HOXB1: variants seen among roughly 807,000 people sequenced by gnomAD.
The protein encoded by HOXB1 is homeobox B1.
HOXB1 carries 13 observed loss-of-function variants against 26.9 expected under a neutral mutation model. The observed-to-expected ratio is 0.48, with a 90% CI of 0.31 to 0.77. The LOEUF is 0.77. Ranked by LOEUF, HOXB1 falls within the 30% of genes least tolerant of loss-of-function variation. The probability of loss-of-function intolerance (pLI) is 0.04; values close to 1 mark genes in which losing one functional copy is unlikely to be tolerated. For missense variants in HOXB1, 366 were observed against 403.6 expected (o/e 0.91, Z 0.80); for synonymous variants, 168 against 170.8 (o/e 0.98, Z 0.13).
chr17:48,529,589 T>G lies in HOXB1; in HGVS notation c.864A>C (p.Thr288=). The G allele has an allele frequency of 1.3e-6, 2 of 1,549,764 alleles. No individual in the cohort carries two copies. Among genetic ancestry groups the G allele is most frequent in the Non-Finnish European group, 1.7e-6 (2 of 1,145,746 alleles). The part of the protein sequence containing the change: ...EAAGDASDQS[T]CTSPEASPSS... ...TGGGTGAGGCTTCCGGGGAGGTGCA[T>G]GTCGACTGGTCTGAGGCATCTCCAG... is the stretch of plus-strand genomic sequence containing the variant. The change falls in exon 2 of 2, where the codon ACA becomes ACC. Residue 288 remains threonine (T), a synonymous_variant. Transcript: ENST00000239174.
In HOXB1 at chr17:48,530,644, G is replaced by A. The variant is rs1374148236; in HGVS notation, c.261C>T (p.Ala87=). 4 of 1,613,880 alleles carry A rather than the reference G, an allele frequency of 2.5e-6. No individual in the cohort carries two copies. The highest frequency in any genetic ancestry group is 1.7e-5 in the Admixed American group (1 of 60,018). ...AAGGCCCGTAGCTGGGGCTGCAGGC[G>A]GCAGGAGCATACCCCGAGGGCGCGG... ...PSSAPSGYAP[A]ACSPSYGPSQ... is the part of the protein sequence containing the mutation. Residue 87 remains alanine, a synonymous_variant, in exon 1 of 2, where the codon GCC becomes GCT. Transcript: ENST00000239174. The surrounding 1 kb of genome is among the most constrained non-coding windows in gnomAD (Gnocchi z 6.2).
rs1162326684 is a variant in HOXB1 at position 48,528,534 on chromosome 17, AAC to A, written c.*1011_*1012del. 6.6e-6 allele frequency: 1 copy of A among 152,506 alleles called. No individual in the cohort carries two copies. Among genetic ancestry groups the A allele is most frequent in the Admixed American group, 6.5e-5 (1 of 15,306 alleles). 9.4% of individuals were successfully genotyped at this position (152,506 alleles called of 1,614,324 possible). On this transcript the variant is annotated 3_prime_UTR_variant, in exon 2 of 2. Transcript: ENST00000239174. ...ACAGAAGCAGGCAGGAAGAAGGGAA[AAC>A]ACAGACTTTATTGAAATGAGGTAGT...
rs1214121771 is a variant in HOXB1, at chr17:48,530,976, G to A, written c.-72C>T. 9.0e-6 allele frequency: 10 copies of A among 1,113,402 alleles called. No homozygotes were observed. The South Asian group carries it at 9.5e-5, about 11-fold the overall frequency. 69.0% of individuals were successfully genotyped at this position (1,113,402 alleles called of 1,614,324 possible). A position where few individuals can be genotyped will look rare whatever the true frequency, so the allele number is the denominator to read the frequency against. Reference sequence around the variant, plus strand: ...TTGCCCTACAACCTTTCGGCAGTATGTCACAGCGCTGGGGCTCGAATCCAT... The same window carrying A: ...TTGCCCTACAACCTTTCGGCAGTATATCACAGCGCTGGGGCTCGAATCCAT... On this transcript the variant is annotated 5_prime_UTR_variant, in exon 1 of 2. Transcript: ENST00000239174. This position sits in a 1 kb window ranked among gnomAD's most constrained non-coding sequence, Gnocchi z 6.2.
In HOXB1 at chr17:48,530,232, A is replaced by AAG; in HGVS notation, c.577+94_577+95dup. The AAG allele has an allele frequency of 8.8e-7, 1 of 1,130,062 alleles. No homozygotes were observed. The highest frequency in any genetic ancestry group is 1.3e-6 in the Non-Finnish European group (1 of 773,814). The allele number at this position is 1,130,062 out of a possible 1,614,324, so 70.0% of individuals were successfully genotyped here. A position where few individuals can be genotyped will look rare whatever the true frequency, so the allele number is the denominator to read the frequency against. Reference sequence around the variant, plus strand: ...TACCTGTGTCTACCAGAGCCGCTGAAAGAGAAGAACCCAGCCCAGACCCAG... The same window carrying AAG: ...TACCTGTGTCTACCAGAGCCGCTGAAAGAGAGAAGAACCCAGCCCAGACCCAG... On this transcript the variant is annotated intron_variant, in intron 1 of 1. Transcript: ENST00000239174. The surrounding 1 kb of genome is among the most constrained non-coding windows in gnomAD (Gnocchi z 6.2).
In HOXB1 at chr17:48,529,807, T is replaced by C; in HGVS notation, c.646A>G (p.Thr216Ala). The C allele has an allele frequency of 6.2e-7, 1 of 1,602,122 alleles. No homozygotes were observed. Among genetic ancestry groups the C allele is most frequent in the South Asian group, 1.1e-5 (1 of 91,078 alleles). The change falls in exon 2 of 2, where the codon ACA becomes GCA. Residue 216 changes from threonine to alanine, a missense_variant. Transcript: ENST00000239174. ...AAATGGAACTCCTTTTCCAGTTCTG[T>C]CAGCTGCCTTGTGGTGAAGTTGGTG... ...LRTNFTTRQL[T>A]ELEKEFHFNK...
Position 48,529,714 on chromosome 17 carries a change from C to T in HOXB1, c.739G>A (p.Val247Ile). 1 of 1,613,224 alleles carries T rather than the reference C, an allele frequency of 6.2e-7. No homozygotes were observed. Among genetic ancestry groups the T allele is most frequent in the Non-Finnish European group, 8.5e-7 (1 of 1,179,900 alleles). ...AATLELNETQ[V>I]KIWFQNRRMK... ...CGTCGGTTCTGGAACCAAATCTTGA[C>T]CTGTGTTTCATTGAGCTCCAGGGTG... is the stretch of plus-strand genomic sequence containing the variant. The change falls in exon 2 of 2, where the codon GTC becomes ATC. Residue 247 changes from valine to isoleucine, a missense_variant. Transcript: ENST00000239174.
Position 48,530,929 on chromosome 17 carries a change from C to T in HOXB1, c.-25G>A, listed in dbSNP as rs747875593. 6.8e-7 allele frequency: 1 copy of T among 1,478,586 alleles called. No individual in the cohort carries two copies. Among genetic ancestry groups the T allele is most frequent in the Admixed American group, 2.3e-5 (1 of 43,578 alleles). 91.6% of individuals were successfully genotyped at this position (1,478,586 alleles called of 1,614,324 possible). A position where few individuals can be genotyped will look rare whatever the true frequency, so the allele number is the denominator to read the frequency against. On this transcript the variant is annotated 5_prime_UTR_variant, in exon 1 of 2. Coordinates refer to ENST00000239174, the MANE Select transcript of HOXB1 (RefSeq NM_002144.4). The surrounding 1 kb of genome is among the most constrained non-coding windows in gnomAD (Gnocchi z 6.2). ...TGCGTCAAGGCCGCAGGAGGGTCGG[C>T]CCGTTTGGGGGAGACACCCTCTTGC...
In HOXB1 at chr17:48,530,255, C is replaced by G. The variant is rs377018166; in HGVS notation, c.577+73G>C. 2.8e-4 allele frequency: 379 copies of G among 1,344,700 alleles called. 12 individuals are homozygous for G. In the East Asian group the frequency reaches 8.2e-3, roughly 29 times the overall value. The allele number at this position is 1,344,700 out of a possible 1,614,324, so 83.3% of individuals were successfully genotyped here. A position where few individuals can be genotyped will look rare whatever the true frequency, so the allele number is the denominator to read the frequency against. On this transcript the variant is annotated intron_variant, in intron 1 of 1. Transcript: ENST00000239174. This position sits in a 1 kb window ranked among gnomAD's most constrained non-coding sequence, Gnocchi z 6.2. ...GAAAGAGAAGAACCCAGCCCAGACCCAGGACATGTCACTGCAGGGGAAGCA... is the reference window on the plus strand; with the variant it reads ...GAAAGAGAAGAACCCAGCCCAGACCGAGGACATGTCACTGCAGGGGAAGCA...
In HOXB1 at chr17:48,530,523, C is replaced by G. The variant is rs766256495; in HGVS notation, c.382G>C (p.Gly128Arg). Residue 128 changes from glycine (G) to arginine (R), a missense_variant, in exon 1 of 2, where the codon GGA becomes CGA. Transcript: ENST00000239174. The surrounding 1 kb of genome is among the most constrained non-coding windows in gnomAD (Gnocchi z 6.2). ...GGCCCCGGACCGGCTCCACCTGCTC[C>G]GTAGCCATCGGACAAGCCCCCTAGC... ...AQLGGLSDGY[G>R]AGGAGPGPYP... 4.3e-6 allele frequency: 7 copies of G among 1,614,064 alleles called. No homozygotes were observed. Among genetic ancestry groups the G allele is most frequent in the East Asian group, 2.2e-5 (1 of 44,870 alleles).
Position 48,530,593 on chromosome 17 carries a change from T to C in HOXB1, c.312A>G (p.Ser104=), listed in dbSNP as rs1598733242. Residue 104 remains serine, a synonymous_variant, in exon 1 of 2, where the codon TCA becomes TCG. Transcript: ENST00000239174. This position sits in a 1 kb window ranked among gnomAD's most constrained non-coding sequence, Gnocchi z 6.2. ...GATGAAAATAGCCTCCGTCTCCTTC[T>C]GATTGACCCAGAGGGTAGTACTGAG... The part of the protein sequence containing the change: ...GPSQYYPLGQ[S]EGDGGYFHPS... 1 of 1,614,078 alleles carries C rather than the reference T, an allele frequency of 6.2e-7. No homozygotes were observed. Among genetic ancestry groups the C allele is most frequent in the Non-Finnish European group, 8.5e-7 (1 of 1,179,998 alleles).
rs368329971 is a variant in HOXB1 at position 48,530,955 on chromosome 17, C to T, written c.-51G>A. The T allele has an allele frequency of 7.5e-6, 10 of 1,328,908 alleles. No homozygotes were observed. The highest frequency in any genetic ancestry group is 1.0e-5 in the Non-Finnish European group (10 of 974,606). The allele number at this position is 1,328,908 out of a possible 1,614,324, so 82.3% of individuals were successfully genotyped here. ...CCGTTTGGGGGAGACACCCTCTTGC[C>T]CTACAACCTTTCGGCAGTATGTCAC... On this transcript the variant is annotated 5_prime_UTR_variant, in exon 1 of 2. Transcript: ENST00000239174. This position sits in a 1 kb window ranked among gnomAD's most constrained non-coding sequence, Gnocchi z 6.2.
chr17:48,530,289 T>G lies in HOXB1; in HGVS notation c.577+39A>C. The G allele has an allele frequency of 1.3e-6, 2 of 1,548,222 alleles. No individual in the cohort carries two copies. The highest frequency in any genetic ancestry group is 1.8e-6 in the Non-Finnish European group (2 of 1,127,880). ...TCACTGCAGGGGAAGCAGAGATGCT[T>G]TGGGCCCCGGAGAAGGGGTGGCCAC... On this transcript the variant is annotated intron_variant, in intron 1 of 1. Transcript: ENST00000239174. This position sits in a 1 kb window ranked among gnomAD's most constrained non-coding sequence, Gnocchi z 6.2.
At position 48,530,691 on chromosome 17, in the gene HOXB1, G is replaced by A. The variant is rs1355134865; in HGVS notation, c.214C>T (p.Leu72=). 10 of 1,613,100 alleles carry A rather than the reference G, an allele frequency of 6.2e-6. No homozygotes were observed. In the East Asian group the frequency reaches 8.9e-5, roughly 14 times the overall value. ...GCGGAGCTGGGGAAGGGCACCCCCA[G>A]GGTCGAAGGCGGCTGCTGGGCGGGA... ...GYPAQQPPST[L]GVPFPSSAPS... Residue 72 remains leucine, a synonymous_variant, in exon 1 of 2, where the codon CTG becomes TTG. Transcript: ENST00000239174. The surrounding 1 kb of genome is among the most constrained non-coding windows in gnomAD (Gnocchi z 6.2).
Position 48,529,884 on chromosome 17 carries a change from G to A in HOXB1, c.578-9C>T, listed in dbSNP as rs776089775. 1.3e-5 allele frequency: 21 copies of A among 1,557,326 alleles called. No individual in the cohort carries two copies. The African/African-American group carries it at 2.3e-4, about 17-fold the overall frequency. ...TGGCTCTGACACCTTCGCTAGGGGC[G>A]GGGCAGGGAGAAAGGCCAGGTCAAT... On this transcript the variant is annotated splice_polypyrimidine_tract_variant and intron_variant, in intron 1 of 1. Transcript: ENST00000239174.
Position 48,530,481 on chromosome 17 carries a change from GA to G in HOXB1, c.423del (p.Pro143LeufsTer41). 6.2e-7 allele frequency: 1 copy of G among 1,614,136 alleles called. No homozygotes were observed. Among genetic ancestry groups the G allele is most frequent in the South Asian group, 1.1e-5 (1 of 91,080 alleles). ...GAGPGPYPPQ[H>X]PPYGNEQTAS... The stretch of plus-strand genomic sequence containing the variant: ...GCGGTCTGCTCGTTCCCATAAGGGG[GA>G]TGCTGCGGAGGATATGGCCCCGGAC... On this transcript the variant is annotated frameshift_variant, in exon 1 of 2. Coordinates refer to ENST00000239174, the MANE Select transcript of HOXB1 (RefSeq NM_002144.4). LOFTEE classifies it high-confidence loss of function. This position sits in a 1 kb window ranked among gnomAD's most constrained non-coding sequence, Gnocchi z 6.2.
rs867398927 is a variant in HOXB1 at position 48,530,882 on chromosome 17, G to T, written c.23C>A (p.Ser8Tyr). 1 of 1,533,178 alleles carries T rather than the reference G, an allele frequency of 6.5e-7. No homozygotes were observed. The highest frequency in any genetic ancestry group is 8.7e-7 in the Non-Finnish European group (1 of 1,144,056). The allele number at this position is 1,533,178 out of a possible 1,614,324, so 95.0% of individuals were successfully genotyped here. A position where few individuals can be genotyped will look rare whatever the true frequency, so the allele number is the denominator to read the frequency against. MDYNRMN[S>Y]FLEYPLCNRG... The stretch of plus-strand genomic sequence containing the variant: ...GTTACAGAGTGGGTACTCTAAGAAG[G>T]AGTTCATCCTATTATAGTCCATGCG... The change falls in exon 1 of 2, where the codon TCC becomes TAC. Residue 8 changes from serine to tyrosine, a missense_variant. Coordinates refer to ENST00000239174, the MANE Select transcript of HOXB1 (RefSeq NM_002144.4). The surrounding 1 kb of genome is among the most constrained non-coding windows in gnomAD (Gnocchi z 6.2).
rs1191279883 is a variant in HOXB1, at chr17:48,530,600, C to T, written c.305G>A (p.Gly102Asp). Reference protein sequence around the residue: ...SYGPSQYYPLGQSEGDGGYFH... With the variant: ...SYGPSQYYPLDQSEGDGGYFH... ...ATAGCCTCCGTCTCCTTCTGATTGA[C>T]CCAGAGGGTAGTACTGAGAAGGCCC... Residue 102 changes from glycine to aspartate, a missense_variant, in exon 1 of 2, where the codon GGT becomes GAT. Coordinates refer to ENST00000239174, the MANE Select transcript of HOXB1 (RefSeq NM_002144.4). The surrounding 1 kb of genome is among the most constrained non-coding windows in gnomAD (Gnocchi z 6.2). 5 of 1,614,044 alleles carry T rather than the reference C, an allele frequency of 3.1e-6. No individual in the cohort carries two copies. The highest frequency in any genetic ancestry group is 1.7e-5 in the Admixed American group (1 of 60,030).
rs926618327 is a variant in HOXB1, at chr17:48,528,583, G to A, written c.*964C>T. The A allele has an allele frequency of 2.0e-5, 3 of 152,244 alleles. No homozygotes were observed. The highest frequency in any genetic ancestry group is 6.5e-5 in the Admixed American group (1 of 15,276). The allele number at this position is 152,244 out of a possible 1,614,324, so 9.4% of individuals were successfully genotyped here. A position where few individuals can be genotyped will look rare whatever the true frequency, so the allele number is the denominator to read the frequency against. On this transcript the variant is annotated 3_prime_UTR_variant, in exon 2 of 2. Coordinates refer to ENST00000239174, the MANE Select transcript of HOXB1 (RefSeq NM_002144.4). ...TAGTTGCAGGTACAGAGAGAACCCG[G>A]GCTCACTTGGGGCTCAGGTTTCCAG...
Position 48,529,691 on chromosome 17 carries a change from T to A in HOXB1, c.762A>T (p.Arg254=). The A allele has an allele frequency of 6.2e-7, 1 of 1,613,252 alleles. No individual in the cohort carries two copies. ...ETQVKIWFQN[R]RMKQKKRERE... Reference sequence around the variant, plus strand: ...GCTCGCGCTTCTTCTGCTTCATTCGTCGGTTCTGGAACCAAATCTTGACCT... The same window carrying A: ...GCTCGCGCTTCTTCTGCTTCATTCGACGGTTCTGGAACCAAATCTTGACCT... Residue 254 remains arginine (R), a synonymous_variant, in exon 2 of 2, where the codon CGA becomes CGT. Coordinates refer to ENST00000239174, the MANE Select transcript of HOXB1 (RefSeq NM_002144.4).
Sources: allele counts gnomAD v4.1 joint callset, GRCh38; gene constraint gnomAD v4.1.1; non-coding constraint Gnocchi (gnomAD v3.1); transcripts MANE v1.5; gene names NCBI Gene and HGNC (gene_info 2026-07-23, HGNC 2026-07-21).